Variants in CTBP2 observed in about 807,000 individuals in gnomAD.
CTBP2 encodes C-terminal-binding protein 2.
A neutral mutation model predicts 80.3 loss-of-function variants in CTBP2; 30 were observed. The observed-to-expected ratio is 0.37, with a 90% confidence interval of 0.28 to 0.51. The LOEUF (loss-of-function observed/expected upper bound fraction) is 0.51, where lower values mean the gene tolerates loss of function less well. Ranked by LOEUF, CTBP2 falls within the 20% of genes least tolerant of loss-of-function variation. The pLI is 0.93. For missense variants in CTBP2, 1,212 were observed against 1,375.3 expected, an observed-to-expected ratio of 0.88 and a Z score of 1.88; for synonymous variants, 594 against 587.4, an observed-to-expected ratio of 1.01 and a Z score of -0.16.
intron 1 of CTBP2, among the ~76,000 whole-genome samples, chr10:125,138,637 A>G (rs1480636096): frequency 6.6e-6 from 1 of 151,608 alleles, no homozygotes; most frequent in Non-Finnish European, 1.5e-5. Flanking sequence ...TACCATAACC[A>G]AAGGGAAAAT....
chr10:125,025,738 C>T (rs989888754), intron 1 of CTBP2, among the ~76,000 whole-genome samples: 2 of 152,212 alleles, frequency 1.3e-5, no homozygotes, highest in Admixed American at 6.5e-5. Flanking sequence ...AGGGCCACCC[C>T]TCGTGAGCTC....
chr10:125,050,420 A>G (rs1204291026), intron 2 of CTBP2, among the ~76,000 whole-genome samples: 2 of 152,212 alleles, frequency 1.3e-5, no homozygotes, highest in Non-Finnish European at 1.5e-5. Flanking sequence ...GCAGCTATTC[A>G]TTTTGCTTAA....
intron 1 of CTBP2, among the ~76,000 whole-genome samples, chr10:125,148,423 C>G (rs1326117572): frequency 1.3e-5 from 2 of 152,224 alleles, no homozygotes; most frequent in Non-Finnish European, 2.9e-5. Flanking sequence ...AACCCAGGCT[C>G]TCCCTCCCAC....
chr10:125,017,866 G>T (rs1055151699), intron 1 of CTBP2, among the ~76,000 whole-genome samples: 2 of 152,156 alleles, frequency 1.3e-5, no homozygotes, highest in African/African-American at 4.8e-5. Flanking sequence ...TCAGAGCCGT[G>T]GGGGGCAGGT....
upstream of CTBP2, chr10:125,160,752 C>G (rs1202582705): frequency 6.2e-5 from 8 of 128,306 alleles, no homozygotes; most frequent in Non-Finnish European, 1.2e-4. Context: ...GCGTCCCGGC[C>G]CCGCGCCCTC....
chr10:125,094,622 C>T (rs186473760), intron 2 of CTBP2, among the ~76,000 whole-genome samples: 22 of 152,112 alleles, frequency 1.4e-4, no homozygotes, highest in African/African-American at 4.1e-4. Context: ...CCCTATCTGG[C>T]GACATCTCTG....
rs1952039190 is a variant in CTBP2 at position 124,986,289 on chromosome 10, GCGCACACACA to G, written c.*3219_*3228del. The G allele has an allele frequency of 4.6e-5, 5 of 108,438 alleles. No individual in the cohort carries two copies. The highest frequency in any genetic ancestry group is 1.8e-4 in the African/African-American group (5 of 27,626). 6.7% of individuals were successfully genotyped at this position (108,438 alleles called of 1,614,324 possible). The stretch of plus-strand genomic sequence containing the variant: ...AAAGACGACACACGCACGCGCGCGC[GCGCACACACA>G]CACACACACACACACACACACACAG... On this transcript the variant is annotated 3_prime_UTR_variant, in exon 9 of 9. Coordinates refer to ENST00000309035, the MANE Select transcript of CTBP2 (RefSeq NM_022802.3).
chr10:125,050,664 C>T (rs185145146), intron 2 of CTBP2, among the ~76,000 whole-genome samples: 69 of 152,262 alleles, frequency 4.5e-4, no homozygotes, highest in African/African-American at 8.2e-4. Flanking sequence ...TATGGGGTGT[C>T]GCTGGGGTTC....
intron 2 of CTBP2, among the ~76,000 whole-genome samples, chr10:125,095,602 A>G (rs1405509635): frequency 6.6e-6 from 1 of 152,196 alleles, no homozygotes; most frequent in Non-Finnish European, 1.5e-5. Flanking sequence ...TGTGGGCCTC[A>G]GAAGGAAGCA....
At chr10:125,032,563 T>C (rs1220893990), upstream of CTBP2, among the ~76,000 whole-genome samples, 1 of 152,150 alleles carries the variant, frequency 6.6e-6, no homozygotes, top group African/African-American at 2.4e-5. Flanking sequence ...ACCCCAAAAA[T>C]AGTCCAGGGC....
intron 1 of CTBP2, among the ~76,000 whole-genome samples, chr10:125,149,914 G>T (rs907874441): frequency 1.3e-5 from 2 of 152,214 alleles, no homozygotes; most frequent in African/African-American, 2.4e-5. Flanking sequence ...TGTTCCCTTT[G>T]TTCAGGAGTA....
chr10:125,121,317 T>G (rs1006334776), intron 1 of CTBP2, among the ~76,000 whole-genome samples: 1 of 152,232 alleles, frequency 6.6e-6, no homozygotes, highest in Non-Finnish European at 1.5e-5. Flanking sequence ...CTGTATCATA[T>G]ACCAAATGCT....
At chr10:125,013,735 A>G (rs1956176818) in intron 1 of CTBP2, among the ~76,000 whole-genome samples, 1 of 152,182 alleles carries the variant, frequency 6.6e-6, no homozygotes, top group South Asian at 2.1e-4. Flanking sequence ...TGATGGAGTC[A>G]GGACTCAAAC....
At chr10:125,092,663 G>T (rs1848955386) in intron 2 of CTBP2, among the ~76,000 whole-genome samples, 1 of 152,184 alleles carries the variant, frequency 6.6e-6, no homozygotes, top group Non-Finnish European at 1.5e-5. Flanking sequence ...GGCCCCGGGG[G>T]CAGTGGAGTA....
Position 125,014,289 on chromosome 10 carries a change from C to T in CTBP2, c.1679-10797G>A, listed in dbSNP as rs1437677220. 7.2e-5 allele frequency among the ~76,000 whole-genome samples: 11 copies of T among 152,136 alleles called. 2 individuals are homozygous for T. Among genetic ancestry groups the T allele is most frequent in the Admixed American group, 7.2e-4 (11 of 15,280 alleles). On this transcript the variant is annotated intron_variant, in intron 1 of 8. Coordinates refer to ENST00000309035, the MANE Select transcript of CTBP2 (RefSeq NM_022802.3). Reference sequence around the variant, plus strand: ...CTAACCTGGACGACACAGTGAAATCCCATCTCTACAAAATTTACTGGGCGT... The same window carrying T: ...CTAACCTGGACGACACAGTGAAATCTCATCTCTACAAAATTTACTGGGCGT...
At chr10:125,144,150 C>CAAGTT (rs1858327700) in intron 1 of CTBP2, among the ~76,000 whole-genome samples, 1 of 152,198 alleles carries the variant, frequency 6.6e-6, no homozygotes, top group African/African-American at 2.4e-5. Context: ...GATGCTCTTT[C>CAAGTT]AAGTTCACCT....
chr10:125,032,034 C>T (rs575893517), upstream of CTBP2, among the ~76,000 whole-genome samples: 5 of 152,022 alleles, frequency 3.3e-5, no homozygotes, highest in African/African-American at 1.2e-4. Context: ...AATTAGACCA[C>T]TCATTATGGG....
At chr10:125,046,039 T>A (rs1439113859) in intron 2 of CTBP2, among the ~76,000 whole-genome samples, 1 of 151,962 alleles carries the variant, frequency 6.6e-6, no homozygotes, top group East Asian at 1.9e-4. Context: ...CAAGGCTAGG[T>A]ATGCTACAGA....
At chr10:125,085,280 A>T (rs2135600061) in intron 2 of CTBP2, among the ~76,000 whole-genome samples, 1 of 151,728 alleles carries the variant, frequency 6.6e-6, no homozygotes, top group South Asian at 2.1e-4. Context: ...ATGAGAGAAA[A>T]CTCCCTCCTT....
Sources: gnomAD v4.1 joint callset for allele counts (sites outside exome capture counted in the v4.1 genomes callset) on GRCh38, gnomAD v4.1.1 for gene constraint, MANE v1.5 for transcripts, NCBI Gene and HGNC (gene_info 2026-07-23, HGNC 2026-07-21) for gene names.